The following USH2A variants were observed in gnomAD, a reference collection of about 807,000 sequenced individuals.
USH2A encodes the protein Usher syndrome 2A (autosomal recessive, mild).
USH2A carries 443 observed loss-of-function variants against 538.9 expected under a neutral mutation model. That is an observed-to-expected ratio of 0.82 (90% CI 0.76 to 0.89). The LOEUF (loss-of-function observed/expected upper bound fraction) is 0.89, where lower values mean the gene tolerates loss of function less well. Among genes scored for constraint, USH2A ranks in the 40% least tolerant of loss-of-function variants. USH2A has a pLI of 0.00. For missense variants in USH2A, 6,633 were observed against 6,324.8 expected (o/e 1.05, Z -1.65); for synonymous variants, 2,413 against 2,273.5 (o/e 1.06, Z -1.75).
At chr1:215,795,027 T>G (rs1343280118) in intron 50 of USH2A, among the ~76,000 whole-genome samples, 1 of 152,212 alleles carries the variant, frequency 6.6e-6, no homozygotes, top group Non-Finnish European at 1.5e-5. Flanking sequence ...AGGGGTGTTC[T>G]GACTTCTCTT....
At chr1:215,653,907 T>C (rs149383854) in intron 64 of USH2A, among the ~76,000 whole-genome samples, 243 of 152,288 alleles carry the variant, frequency 1.6e-3, no homozygotes, top group Non-Finnish European at 2.4e-3. Flanking sequence ...TAGAAAACTT[T>C]TTAGCAATAT....
chr1:215,890,727 C>T (rs1162759118), intron 40 of USH2A, among the ~76,000 whole-genome samples: 2 of 152,150 alleles, frequency 1.3e-5, no homozygotes, highest in Admixed American at 6.5e-5. Flanking sequence ...AATGGGGATA[C>T]AGCTCCTTTC....
intron 4 of USH2A, among the ~76,000 whole-genome samples, chr1:216,329,319 CTGGA>C (rs2037802110): frequency 6.6e-6 from 1 of 152,002 alleles, no homozygotes; most frequent in Admixed American, 6.6e-5. Context: ...ATCAATTGAC[CTGGA>C]TCCAGGATCT....
At chr1:216,039,179 T>C (rs1202131251) in intron 32 of USH2A, among the ~76,000 whole-genome samples, 1 of 152,040 alleles carries the variant, frequency 6.6e-6, no homozygotes, top group East Asian at 1.9e-4. Flanking sequence ...AATAAGACTC[T>C]TGAGAGTATA....
At chr1:216,364,043 T>C (rs1482168096) in intron 4 of USH2A, among the ~76,000 whole-genome samples, 1 of 150,644 alleles carries the variant, frequency 6.6e-6, no homozygotes, top group Non-Finnish European at 1.5e-5. Context: ...GAGCATATAT[T>C]ATATAATAAT....
chr1:216,274,768 G>A (rs529333430), intron 11 of USH2A, among the ~76,000 whole-genome samples: 2 of 152,190 alleles, frequency 1.3e-5, no homozygotes, highest in African/African-American at 4.8e-5. Flanking sequence ...CTACATTGGT[G>A]TAAAACCAAG....
At chr1:215,834,410 T>G (rs1445442948) in intron 47 of USH2A, among the ~76,000 whole-genome samples, 2 of 152,166 alleles carry the variant, frequency 1.3e-5, no homozygotes, top group Non-Finnish European at 2.9e-5. Context: ...AAATCTTAAA[T>G]GCATTATGCT....
intron 61 of USH2A, among the ~76,000 whole-genome samples, chr1:215,691,326 C>T (rs1231669921): frequency 1.3e-5 from 2 of 152,204 alleles, no homozygotes; most frequent in African/African-American, 4.8e-5. Flanking sequence ...TCTTTCTGCC[C>T]ACCCTTCCAC....
chr1:215,640,611 C>T lies in USH2A; in HGVS notation c.14915G>A (p.Arg4972His), dbSNP rs554061688. Residue 4972 changes from arginine to histidine, a missense_variant, in exon 68 of 72, where the codon CGC (arginine) becomes CAC (histidine). Physicochemically the swap from Arg to His is conservative, Grantham distance 29. Transcript: ENST00000307340. ...KEYVLTDGGR[R>H]VYSGLDTTLY... The stretch of plus-strand genomic sequence containing the variant: ...GGTGGTGTCCAAGCCGCTGTACACG[C>T]GTCGCCCTCCGTCGGTTAACACGTA... 9 of 1,613,824 alleles carry T rather than the reference C, an allele frequency of 5.6e-6. No individual in the cohort carries two copies. The highest frequency in any genetic ancestry group is 3.3e-5 in the Admixed American group (2 of 59,984).
At chr1:215,798,531 T>C (rs1399421572) in intron 50 of USH2A, among the ~76,000 whole-genome samples, 1 of 152,144 alleles carries the variant, frequency 6.6e-6, no homozygotes, top group Non-Finnish European at 1.5e-5. Flanking sequence ...GTTATTTATA[T>C]TAGTGTTAGC....
chr1:216,415,545 T>C (rs957180535), intron 3 of USH2A, among the ~76,000 whole-genome samples: 6 of 139,410 alleles, frequency 4.3e-5, no homozygotes, highest in South Asian at 2.3e-4. Context: ...AGACAGGATC[T>C]TGCTCTTTCG....
intron 49 of USH2A, among the ~76,000 whole-genome samples, chr1:215,812,131 C>A (rs1477068366): frequency 3.3e-5 from 5 of 150,556 alleles, no homozygotes; most frequent in African/African-American, 1.2e-4. Context: ...ATTACAGGAG[C>A]CTGCCACACG....
At chr1:215,960,092 A>C (rs535663103) in intron 37 of USH2A, among the ~76,000 whole-genome samples, 16 of 152,276 alleles carry the variant, frequency 1.1e-4, no homozygotes, top group African/African-American at 3.8e-4. Flanking sequence ...ATTATTCTAT[A>C]GGATCTCAGA....
chr1:216,208,034 A>G (rs2035155537), intron 15 of USH2A, among the ~76,000 whole-genome samples: 1 of 152,160 alleles, frequency 6.6e-6, no homozygotes, highest in South Asian at 2.1e-4. Context: ...ATGTAATACA[A>G]TTGCTTATCA....
chr1:216,049,007 T>C (rs937774577), intron 30 of USH2A, among the ~76,000 whole-genome samples: 7 of 152,198 alleles, frequency 4.6e-5, no homozygotes, highest in Admixed American at 1.3e-4. Flanking sequence ...CTAGACCTCC[T>C]GCAGAAACAA....
At chr1:215,863,904 G>A (rs1664397319) in intron 44 of USH2A, among the ~76,000 whole-genome samples, 1 of 152,174 alleles carries the variant, frequency 6.6e-6, no homozygotes, top group Admixed American at 6.5e-5. Flanking sequence ...TACAAGATAT[G>A]AACATCTGAA....
chr1:216,376,393 A>C (rs2038821390), intron 3 of USH2A, among the ~76,000 whole-genome samples: 1 of 152,110 alleles, frequency 6.6e-6, no homozygotes, highest in Non-Finnish European at 1.5e-5. Context: ...GGTAGTGAAT[A>C]AGTTGTGGGA....
At chr1:215,837,299 G>A (rs1277851074) in intron 47 of USH2A, among the ~76,000 whole-genome samples, 13 of 151,922 alleles carry the variant, frequency 8.6e-5, no homozygotes, top group Non-Finnish European at 1.6e-4. Context: ...GTAAGAGAAG[G>A]GTGATTCATT....
At chr1:215,935,634 T>C (rs1261589491) in intron 37 of USH2A, among the ~76,000 whole-genome samples, 1 of 151,880 alleles carries the variant, frequency 6.6e-6, no homozygotes, top group Non-Finnish European at 1.5e-5. Context: ...TCTTACACCA[T>C]TAGGTTAAAT....
Sources: gnomAD v4.1 joint callset for allele counts (sites outside exome capture counted in the v4.1 genomes callset) on GRCh38, gnomAD v4.1.1 for gene constraint, MANE v1.5 for transcripts, NCBI Gene and HGNC (gene_info 2026-07-23, HGNC 2026-07-21) for gene names.